The following HMCN1 variants were observed in gnomAD, a reference collection of about 807,000 sequenced individuals.
The protein encoded by HMCN1 is hemicentin-1.
Under a neutral mutation model 625.9 loss-of-function variants are expected in HMCN1, and 321 were observed. That is an observed-to-expected ratio of 0.51 (90% CI 0.47 to 0.56). HMCN1 has a LOEUF of 0.56. HMCN1 is among the 20% of genes least tolerant of loss of function. The pLI is 0.00. For synonymous variants in HMCN1, 2,425 were observed against 2,417.6 expected (o/e 1.00, Z -0.09); for missense variants, 6,588 against 6,887.3 (o/e 0.96, Z 1.54).
At chr1:186,054,497 G>A (rs1657187676) in intron 44 of HMCN1, among the ~76,000 whole-genome samples, 1 of 151,934 alleles carries the variant, frequency 6.6e-6, no homozygotes, top group Admixed American at 6.6e-5. Context: ...CTTGTGTGTG[G>A]TAGGACTGGC....
chr1:185,879,206 T>C (rs1463319971), intron 4 of HMCN1, among the ~76,000 whole-genome samples: 1 of 152,226 alleles, frequency 6.6e-6, no homozygotes, highest in African/African-American at 2.4e-5. Context: ...GGTCTTACTC[T>C]GTTGCACAGG....
intron 69 of HMCN1, among the ~76,000 whole-genome samples, chr1:186,105,258 G>A (rs1352479387): frequency 6.6e-6 from 1 of 152,124 alleles, no homozygotes; most frequent in Non-Finnish European, 1.5e-5. Flanking sequence ...AAACAATATG[G>A]AAGTGGAAAA....
In HMCN1 at chr1:185,997,415, T is replaced by C. The variant is rs767597676; in HGVS notation, c.3779-14T>C. ...CAAAGAAAGCCTGTGATAATGCATT[T>C]ATTTTCCTAATAGAACCACCCACAG... is the stretch of plus-strand genomic sequence containing the variant. On this transcript the variant is annotated splice_polypyrimidine_tract_variant and intron_variant, in intron 24 of 106. Transcript: ENST00000271588. 1 of 1,562,070 alleles carries C rather than the reference T, an allele frequency of 6.4e-7. No homozygotes were observed. Among genetic ancestry groups the C allele is most frequent in the South Asian group, 1.1e-5 (1 of 90,064 alleles).
chr1:186,126,521 A>G (rs1168190612), intron 82 of HMCN1, among the ~76,000 whole-genome samples: 2 of 152,102 alleles, frequency 1.3e-5, no homozygotes, highest in African/African-American at 2.4e-5. Flanking sequence ...AGTGAAGGTT[A>G]CAGTTGTAAA....
chr1:185,986,575 G>A (rs1302476721), intron 19 of HMCN1, among the ~76,000 whole-genome samples: 1 of 152,106 alleles, frequency 6.6e-6, no homozygotes, highest in Non-Finnish European at 1.5e-5. Context: ...ACACAGAATG[G>A]AGGGATTAAC....
In HMCN1 at chr1:185,995,054, A is replaced by G. The variant is rs1652693544; in HGVS notation, c.3745A>G (p.Thr1249Ala). 6.2e-7 allele frequency: 1 copy of G among 1,613,702 alleles called. No individual in the cohort carries two copies. The highest frequency in any genetic ancestry group is 8.5e-7 in the Non-Finnish European group (1 of 1,179,764). The change falls in exon 24 of 107, where the codon ACT becomes GCT. Residue 1249 changes from threonine to alanine, a missense_variant. Thr to Ala is a moderately conservative substitution (Grantham distance 58). This residue lies in a region of HMCN1 where 4,628 missense variants were observed against 4,853.1 expected (regional missense o/e 0.95). Coordinates refer to ENST00000271588, the MANE Select transcript of HMCN1 (RefSeq NM_031935.3). ...YTCVATNIAG[T>A]DETEITLHVQ... ...ATGTGTTGCTACTAACATAGCAGGC[A>G]CTGATGAAACAGAGATAACGCTACA...
At chr1:186,044,914 C>T (rs1251399620) in intron 40 of HMCN1, among the ~76,000 whole-genome samples, 1 of 152,126 alleles carries the variant, frequency 6.6e-6, no homozygotes, top group South Asian at 2.1e-4. Flanking sequence ...CTTTAATACA[C>T]CCAAGGGAAA....
At chr1:186,008,764 C>T (rs758043211) in intron 30 of HMCN1, among the ~76,000 whole-genome samples, 1 of 152,082 alleles carries the variant, frequency 6.6e-6, no homozygotes, top group Non-Finnish European at 1.5e-5. Flanking sequence ...ATAGTAAGAG[C>T]CCAATAAATG....
At chr1:186,101,155 A>G (rs1207962678) in intron 68 of HMCN1, among the ~76,000 whole-genome samples, 2 of 152,028 alleles carry the variant, frequency 1.3e-5, no homozygotes, top group Non-Finnish European at 2.9e-5. Flanking sequence ...AGGCACCTAC[A>G]ACTAGGAAGA....
At chr1:186,052,807 G>A in intron 42 of HMCN1, 145 bp from the exon 43 acceptor site, 1 of 703,322 alleles carries the variant, frequency 1.4e-6, no homozygotes, top group South Asian at 1.7e-5. Context: ...TCTTACAGGT[G>A]ACTTTTAATT....
intron 1 of HMCN1, among the ~76,000 whole-genome samples, chr1:185,770,712 T>C (rs891862347): frequency 2.6e-5 from 4 of 152,232 alleles, no homozygotes; most frequent in African/African-American, 7.2e-5. Context: ...TCAGCATTTA[T>C]ACTTTTTACA....
chr1:185,960,819 A>C (rs546622009), intron 11 of HMCN1, among the ~76,000 whole-genome samples: 64 of 152,330 alleles, frequency 4.2e-4, no homozygotes, highest in African/African-American at 1.5e-3. Flanking sequence ...TGTTTCAATA[A>C]ATTCCAAAGA....
chr1:186,057,963 A>G (rs1283106976), intron 46 of HMCN1, among the ~76,000 whole-genome samples: 1 of 152,046 alleles, frequency 6.6e-6, no homozygotes, highest in Non-Finnish European at 1.5e-5. Context: ...AGCTGCAGAA[A>G]TCTGCACTTG....
At chr1:185,960,688 T>C (rs1649950186) in intron 11 of HMCN1, among the ~76,000 whole-genome samples, 1 of 152,206 alleles carries the variant, frequency 6.6e-6, no homozygotes. Flanking sequence ...GCAGACTACA[T>C]TGGAAGACAC....
chr1:186,160,674 A>G (rs1651397739), intron 97 of HMCN1, among the ~76,000 whole-genome samples: 1 of 152,072 alleles, frequency 6.6e-6, no homozygotes, highest in African/African-American at 2.4e-5. Context: ...TGATTTCGTT[A>G]TGTACCCAGT....
chr1:185,755,517 CT>C (rs1655078246), intron 1 of HMCN1, among the ~76,000 whole-genome samples: 1 of 152,162 alleles, frequency 6.6e-6, no homozygotes, highest in Non-Finnish European at 1.5e-5. Flanking sequence ...TGGCGTAGTG[CT>C]GGGATAAGGC....
intron 4 of HMCN1, among the ~76,000 whole-genome samples, chr1:185,892,147 G>A (rs1456367257): frequency 6.7e-6 from 1 of 148,640 alleles, no homozygotes; most frequent in African/African-American, 2.6e-5. Context: ...CTCGAGCCTT[G>A]GTTTTCAGCT....
chr1:186,058,846 T>C (rs1299507639), intron 46 of HMCN1, among the ~76,000 whole-genome samples: 1 of 151,910 alleles, frequency 6.6e-6, no homozygotes, highest in Non-Finnish European at 1.5e-5. Flanking sequence ...AAAACCTAAG[T>C]TCCCCCTGTT....
chr1:186,021,908 C>G (rs1654747056), intron 35 of HMCN1, among the ~76,000 whole-genome samples: 1 of 152,014 alleles, frequency 6.6e-6, no homozygotes, highest in African/African-American at 2.4e-5. Context: ...TATAATCCCA[C>G]AGTGGCTGTG....
Sources: allele counts gnomAD v4.1 joint callset (sites outside exome capture counted in the v4.1 genomes callset), GRCh38; gene constraint gnomAD v4.1.1; regional missense constraint gnomAD v4.1.1; transcripts MANE v1.5; gene names NCBI Gene and HGNC (gene_info 2026-07-23, HGNC 2026-07-21).